Variants in INTS9 observed in about 807,000 individuals in gnomAD.
INTS9 encodes the protein protein related to CPSF subunits of 74 kDa.
A neutral mutation model predicts 79.7 loss-of-function variants in INTS9; 55 were observed. The ratio of observed to expected loss-of-function variants is 0.69; its 90% CI spans 0.56 to 0.86. The LOEUF is 0.86. Ranked by LOEUF, INTS9 falls within the 40% of genes least tolerant of loss-of-function variation. INTS9 has a pLI of 0.00. For synonymous variants in INTS9, 319 were observed against 325.2 expected, an observed-to-expected ratio of 0.98 and a Z score of 0.20; for missense variants, 721 against 831.5, an observed-to-expected ratio of 0.87 and a Z score of 1.64.
chr8:28,838,297 C>T (rs1328563477), intron 4 of INTS9, among the ~76,000 whole-genome samples: 1 of 151,726 alleles, frequency 6.6e-6, no homozygotes, highest in Non-Finnish European at 1.5e-5. Flanking sequence ...GGTTATAGAG[C>T]CCGCCCTAAA....
chr8:28,801,268 G>C (rs959592123), intron 8 of INTS9, among the ~76,000 whole-genome samples: 1 of 152,082 alleles, frequency 6.6e-6, no homozygotes, highest in Non-Finnish European at 1.5e-5. Context: ...CAGGTGGATC[G>C]CTTGAGCCCA....
chr8:28,810,018 T>C (rs552522625), intron 8 of INTS9: 2 of 152,236 alleles, frequency 1.3e-5, no homozygotes, highest in Non-Finnish European at 2.9e-5. Context: ...TATCAAGACA[T>C]CATGCATACC....
chr8:28,849,862 T>A (rs1807731349), intron 3 of INTS9: 2 of 187,600 alleles, frequency 1.1e-5, no homozygotes, highest in East Asian at 2.6e-4. Flanking sequence ...CTCTTTGCAA[T>A]CACAAAATGA....
At chr8:28,809,812 G>A (rs1805005954) in intron 8 of INTS9, among the ~76,000 whole-genome samples, 3 of 152,106 alleles carry the variant, frequency 2.0e-5, no homozygotes, top group South Asian at 2.1e-4. Flanking sequence ...CCAGAATTCC[G>A]CCAGATGCAG....
At chr8:28,799,503 T>A (rs1418763963) in intron 8 of INTS9, 1 of 152,158 alleles carries the variant, frequency 6.6e-6, no homozygotes, top group East Asian at 1.9e-4. Context: ...TAATTTTAGC[T>A]CTTAACTCAG....
chr8:28,836,325 G>T (rs1806804009), intron 5 of INTS9, among the ~76,000 whole-genome samples: 1 of 152,122 alleles, frequency 6.6e-6, no homozygotes, highest in East Asian at 1.9e-4. Flanking sequence ...CACAGGCTTT[G>T]GGGATTCACA....
At chr8:28,814,282 T>TCACACACA (rs1491258772) in intron 6 of INTS9, among the ~76,000 whole-genome samples, 57 of 88,152 alleles carry the variant, frequency 6.5e-4, no homozygotes, top group African/African-American at 2.7e-3. Flanking sequence ...GAACAGGGCT[T>TCACACACA]CTCACACACA....
chr8:28,889,006 C>T (rs1326871556), intron 1 of INTS9, among the ~76,000 whole-genome samples: 1 of 151,958 alleles, frequency 6.6e-6, no homozygotes, highest in African/African-American at 2.4e-5. Flanking sequence ...CGGGTTCAAG[C>T]GATTCTCCTG....
intron 1 of INTS9, 169 bp from the exon 2 acceptor site, chr8:28,859,732 G>A (rs1341699918): frequency 6.6e-6 from 5 of 757,872 alleles, no homozygotes; most frequent in Non-Finnish European, 1.1e-5. Flanking sequence ...ACTTTCCCTA[G>A]CCGTTCAAAA....
In INTS9 at chr8:28,779,443, T is replaced by G. The variant is rs148343326; in HGVS notation, c.1270+1380A>C. On this transcript the variant is annotated intron_variant, in intron 12 of 16. Coordinates refer to ENST00000521022, the MANE Select transcript of INTS9 (RefSeq NM_018250.4). ...CTTCCTGGAACACCAACACCTTGTC[T>G]GACAATGATGGATCCGGCCAAAGAC... 8.8e-4 allele frequency among the ~76,000 whole-genome samples: 134 copies of G among 152,298 alleles called. 1 individual carries two copies. Among genetic ancestry groups the G allele is most frequent in the African/African-American group, 3.1e-3 (127 of 41,554 alleles).
At position 28,833,643 on chromosome 8, in the gene INTS9, CAAAAA is replaced by C. The variant is rs1563283255; in HGVS notation, c.488+1644_488+1648del. Among the ~76,000 whole-genome samples the C allele has an allele frequency of 6.1e-3, 723 of 118,250 alleles. 6 individuals carry two copies. Among genetic ancestry groups the C allele is most frequent in the African/African-American group, 0.022 (690 of 31,298 alleles). The allele number at this position is 118,250 out of a possible 152,430, so 77.6% of individuals were successfully genotyped here. On this transcript the variant is annotated intron_variant, in intron 6 of 16. Transcript: ENST00000521022. The stretch of plus-strand genomic sequence containing the variant: ...TCAAAAACAAAAACAAAAACAAAAA[CAAAAA>C]CCAAAAAAAAAACAAAAGAAAAAGA...
chr8:28,867,438 TGTG>T, intron 1 of INTS9, among the ~76,000 whole-genome samples: 2 of 147,086 alleles, frequency 1.4e-5, no homozygotes, highest in Middle Eastern at 7.1e-3. Flanking sequence ...ATTAGCCAGG[TGTG>T]GTGGCGTGAG....
At chr8:28,778,028 G>C in intron 12 of INTS9, 75 bp from the exon 13 acceptor site, 2 of 1,459,368 alleles carry the variant, frequency 1.4e-6, no homozygotes, top group South Asian at 1.4e-5. Flanking sequence ...CAACTGGGGC[G>C]CTGAGGGCCC....
intron 8 of INTS9, among the ~76,000 whole-genome samples, chr8:28,798,848 G>A (rs1804358504): frequency 6.6e-6 from 1 of 152,102 alleles, no homozygotes; most frequent in African/African-American, 2.4e-5. Context: ...ATGGGGCCAT[G>A]ACCCCAAAAA....
intron 4 of INTS9, 89 bp downstream of exon 4, chr8:28,846,658 G>A (rs1199417447): frequency 2.1e-6 from 2 of 970,922 alleles, no homozygotes; most frequent in African/African-American, 3.2e-5. Context: ...AAAACAGGAA[G>A]CTAAGCCTCT....
In INTS9 at chr8:28,771,062, G is replaced by A. The variant is rs753415818; in HGVS notation, c.1582C>T (p.Pro528Ser). 1 of 1,611,008 alleles carries A rather than the reference G, an allele frequency of 6.2e-7. No homozygotes were observed. Residue 528 changes from proline (P) to serine (S), a missense_variant, in exon 15 of 17, where the codon CCC (proline) becomes TCC (serine). Coordinates refer to ENST00000521022, the MANE Select transcript of INTS9 (RefSeq NM_018250.4). ...GAGATGCCAGGCTTGATCTCCATGG[G>A]CACCAGTGAATCTGCGAGCTGAAAG... ...IMPELADSLV[P>S]MEIKPGISLA...
chr8:28,833,741 G>A (rs1806641836), intron 6 of INTS9, among the ~76,000 whole-genome samples: 1 of 152,028 alleles, frequency 6.6e-6, no homozygotes, highest in Non-Finnish European at 1.5e-5. Context: ...ATCAGAAGGT[G>A]TGGCTGCTGT....
chr8:28,815,714 T>G (rs1265761061), intron 6 of INTS9, among the ~76,000 whole-genome samples: 1 of 151,964 alleles, frequency 6.6e-6, no homozygotes, highest in Non-Finnish European at 1.5e-5. Context: ...TTTAAACAAT[T>G]CAAAAGAACC....
Position 28,889,807 on chromosome 8 carries a change from AG to A in INTS9, c.9+66del, listed in dbSNP as rs1417102063. ...CGTGCGACGATTCCCTGCCCAACGT[AG>A]GAAAAAAAGAGGTCCAAAAGGTTAT... On this transcript the variant is annotated intron_variant, in intron 1 of 16. Transcript: ENST00000521022. 66 of 1,589,688 alleles carry A rather than the reference AG, an allele frequency of 4.2e-5. No homozygotes were observed. In the South Asian group the frequency reaches 6.4e-4, roughly 15 times the overall value.
Sources: allele counts gnomAD v4.1 joint callset (sites outside exome capture counted in the v4.1 genomes callset), GRCh38; gene constraint gnomAD v4.1.1; transcripts MANE v1.5; gene names NCBI Gene and HGNC (gene_info 2026-07-23, HGNC 2026-07-21).